FNDC3A: variants seen among roughly 807,000 people sequenced by gnomAD.
FNDC3A encodes fibronectin type-III domain-containing protein 3A.
FNDC3A carries 32 observed loss-of-function variants against 148.9 expected under a neutral mutation model. That is an observed-to-expected ratio of 0.21 (90% CI 0.16 to 0.29). FNDC3A has a LOEUF of 0.29. FNDC3A is among the 10% of genes least tolerant of loss of function. The probability of loss-of-function intolerance (pLI) is 1.00; values close to 1 mark genes in which losing one functional copy is unlikely to be tolerated. For synonymous variants in FNDC3A, 472 were observed against 473.6 expected (o/e 1.00, Z 0.04); for missense variants, 1,191 against 1,452.8 (o/e 0.82, Z 2.93).
intron 2 of FNDC3A, among the ~76,000 whole-genome samples, chr13:49,061,394 C>CT (rs1876700720): frequency 1.8e-4 from 3 of 16,732 alleles, no homozygotes; most frequent in African/African-American, 1.2e-3. Flanking sequence ...CTTCCCTTCC[C>CT]TCCCCTTCCC....
chr13:49,197,332 C>G (rs1393814160), intron 20 of FNDC3A, among the ~76,000 whole-genome samples: 1 of 151,608 alleles, frequency 6.6e-6, no homozygotes, highest in Non-Finnish European at 1.5e-5. Flanking sequence ...CAGTACACAT[C>G]TCCAGTGTAC....
At chr13:49,075,536 T>C (rs1878037405) in intron 3 of FNDC3A, among the ~76,000 whole-genome samples, 172 bp downstream of exon 3, 1 of 152,222 alleles carries the variant, frequency 6.6e-6, no homozygotes, top group South Asian at 2.1e-4. Flanking sequence ...CTAACTAGTC[T>C]CTTTGCCCTG....
chr13:49,000,069 C>T (rs1952097945), intron 1 of FNDC3A, among the ~76,000 whole-genome samples: 1 of 152,144 alleles, frequency 6.6e-6, no homozygotes, highest in African/African-American at 2.4e-5. Flanking sequence ...TTCTGATGCA[C>T]AAAAGTTTCT....
intron 4 of FNDC3A, among the ~76,000 whole-genome samples, chr13:49,128,823 A>G (rs780278049): frequency 3.9e-5 from 6 of 152,184 alleles, no homozygotes; most frequent in Non-Finnish European, 8.8e-5. Context: ...GCTTTATTCT[A>G]ACTGTTCCCT....
At chr13:49,056,068 T>C (rs1464006511) in intron 2 of FNDC3A, among the ~76,000 whole-genome samples, 1 of 151,762 alleles carries the variant, frequency 6.6e-6, no homozygotes, top group Admixed American at 6.6e-5. Flanking sequence ...GCGCCTGTAG[T>C]CCCAGCTACT....
At chr13:49,034,128 A>G (rs1243060487) in intron 2 of FNDC3A, among the ~76,000 whole-genome samples, 1 of 152,002 alleles carries the variant, frequency 6.6e-6, no homozygotes, top group Non-Finnish European at 1.5e-5. Context: ...TTTCTAGTAT[A>G]TTTAGAGTTT....
intron 12 of FNDC3A, 147 bp from the exon 13 acceptor site, chr13:49,175,220 A>G (rs559425288): frequency 1.9e-6 from 1 of 512,968 alleles, no homozygotes; most frequent in South Asian, 3.7e-5. Flanking sequence ...TGGTTATCAT[A>G]AAGAGATCAA....
intron 8 of FNDC3A, among the ~76,000 whole-genome samples, chr13:49,149,110 T>C (rs1883147707): frequency 6.6e-6 from 1 of 152,092 alleles, no homozygotes; most frequent in African/African-American, 2.4e-5. Flanking sequence ...TGGTGGAGTC[T>C]TCAGATTTTT....
At chr13:49,122,194 A>G (rs1881394845) in intron 4 of FNDC3A, among the ~76,000 whole-genome samples, 1 of 152,224 alleles carries the variant, frequency 6.6e-6, no homozygotes, top group South Asian at 2.1e-4. Flanking sequence ...GGCTGGTTCA[A>G]CATACGTAAA....
chr13:49,038,562 G>A (rs1874680941), intron 2 of FNDC3A, among the ~76,000 whole-genome samples: 1 of 152,184 alleles, frequency 6.6e-6, no homozygotes. Context: ...CTTCAAAATT[G>A]TGAGAAAATA....
At chr13:48,995,467 A>C (rs182740166) in intron 1 of FNDC3A, among the ~76,000 whole-genome samples, 1 of 152,158 alleles carries the variant, frequency 6.6e-6, no homozygotes, top group Non-Finnish European at 1.5e-5. Flanking sequence ...AATCTTTTGA[A>C]TTATAAAAAG....
intron 25 of FNDC3A, among the ~76,000 whole-genome samples, chr13:49,204,002 G>A (rs1886535515): frequency 6.6e-6 from 1 of 152,166 alleles, no homozygotes; most frequent in Non-Finnish European, 1.5e-5. Flanking sequence ...CAGACACAAC[G>A]TTGTTTTGAC....
intron 1 of FNDC3A, among the ~76,000 whole-genome samples, chr13:49,004,492 T>A (rs1952185164): frequency 6.6e-6 from 1 of 152,010 alleles, no homozygotes; most frequent in Non-Finnish European, 1.5e-5. Flanking sequence ...TTAAGTGGAA[T>A]GGTAATATTG....
chr13:49,078,294 C>G (rs1878249659), intron 3 of FNDC3A, among the ~76,000 whole-genome samples: 1 of 152,112 alleles, frequency 6.6e-6, no homozygotes, highest in East Asian at 1.9e-4. Context: ...CGGCAGTGAC[C>G]CCTTTGGTCA....
rs1885550161 is a variant in FNDC3A, at chr13:49,186,042, A to G, written c.1696A>G (p.Ile566Val). The part of the protein sequence containing the change: ...EFTTCPDKPG[I>V]PVKPSVKGKI... ...TACTACTTGCCCTGATAAACCAGGCATACCTGTAAAGCCTTCAGTGAAAGG... is the reference window on the plus strand; with the variant it reads ...TACTACTTGCCCTGATAAACCAGGCGTACCTGTAAAGCCTTCAGTGAAAGG... The change falls in exon 15 of 26, where the codon ATA (isoleucine) becomes GTA (valine). Residue 566 changes from isoleucine to valine, a missense_variant. Transcript: ENST00000492622. 4.3e-6 allele frequency: 7 copies of G among 1,612,536 alleles called. No individual in the cohort carries two copies. The highest frequency in any genetic ancestry group is 4.2e-6 in the Non-Finnish European group (5 of 1,178,626).
intron 14 of FNDC3A, among the ~76,000 whole-genome samples, chr13:49,183,014 A>G (rs1885385356): frequency 1.3e-5 from 2 of 152,148 alleles, no homozygotes; most frequent in African/African-American, 4.8e-5. Flanking sequence ...ATCTTTCTGA[A>G]AAACACCTTT....
At chr13:49,064,816 A>G (rs962124498) in intron 2 of FNDC3A, among the ~76,000 whole-genome samples, 3 of 152,204 alleles carry the variant, frequency 2.0e-5, no homozygotes, top group Non-Finnish European at 4.4e-5. Context: ...ACCACATAAC[A>G]TACAGGGTTT....
At chr13:49,109,018 GA>G (rs992555650) in intron 3 of FNDC3A, among the ~76,000 whole-genome samples, 4 of 152,088 alleles carry the variant, frequency 2.6e-5, no homozygotes, top group African/African-American at 9.7e-5. Context: ...TACACTTTTT[GA>G]AAAGTATAGC....
At chr13:49,204,878 C>T (rs1227144174) in intron 25 of FNDC3A, among the ~76,000 whole-genome samples, 1 of 152,158 alleles carries the variant, frequency 6.6e-6, no homozygotes, top group Non-Finnish European at 1.5e-5. Context: ...CCCAGTATCT[C>T]CTCTCCAACA....
Sources: gnomAD v4.1 joint callset for allele counts (sites outside exome capture counted in the v4.1 genomes callset) on GRCh38, gnomAD v4.1.1 for gene constraint, MANE v1.5 for transcripts, NCBI Gene and HGNC (gene_info 2026-07-23, HGNC 2026-07-21) for gene names.